Variants in SPATA9 observed in about 807,000 individuals in gnomAD.
SPATA9 encodes the protein spermatogenesis-associated protein 9.
SPATA9 carries 27 observed loss-of-function variants against 25.5 expected under a neutral mutation model. The ratio of observed to expected loss-of-function variants is 1.06; its 90% CI spans 0.78 to 1.46. The LOEUF (loss-of-function observed/expected upper bound fraction) is 1.46, where lower values mean the gene tolerates loss of function less well. Among genes scored for constraint, SPATA9 ranks in the 40% most tolerant of loss-of-function variants. The pLI is 0.00. For synonymous variants in SPATA9, 102 were observed against 105.7 expected (o/e 0.97, Z 0.21); for missense variants, 282 against 297.5 (o/e 0.95, Z 0.38).
chr5:95,721,713 C>T, the SPATA9 span, among the ~76,000 whole-genome samples: 2 of 110,656 alleles, frequency 1.8e-5, no homozygotes, highest in East Asian at 6.3e-4. Context: ...AAAAAAGGAA[C>T]ATGAAGATCA....
At chr5:95,681,890 A>T (rs1753491925) in intron 2 of SPATA9, among the ~76,000 whole-genome samples, 1 of 152,176 alleles carries the variant, frequency 6.6e-6, no homozygotes, top group Non-Finnish European at 1.5e-5. Flanking sequence ...TCCAACTATG[A>T]TCAAAATGAC....
the SPATA9 span, among the ~76,000 whole-genome samples, chr5:95,706,311 A>G: frequency 6.6e-6 from 1 of 151,518 alleles, no homozygotes; most frequent in Admixed American, 6.6e-5. Context: ...ATGGCGGTGG[A>G]TTTCCCCCTT....
At chr5:95,729,311 A>G in the SPATA9 span, among the ~76,000 whole-genome samples, 1 of 152,146 alleles carries the variant, frequency 6.6e-6, no homozygotes, top group Non-Finnish European at 1.5e-5. Flanking sequence ...GTCAATGACC[A>G]AGTCTTATGT....
At chr5:95,694,986 T>C (rs1753979199) in intron 1 of SPATA9, among the ~76,000 whole-genome samples, 1 of 152,230 alleles carries the variant, frequency 6.6e-6, no homozygotes, top group Non-Finnish European at 1.5e-5. Context: ...AAGTATTTAA[T>C]ATATGGAATA....
rs781263743 is a variant in SPATA9 at position 95,663,961 on chromosome 5, T to C, written c.466A>G (p.Ile156Val). 6.5e-7 allele frequency: 1 copy of C among 1,540,918 alleles called. No homozygotes were observed. Among genetic ancestry groups the C allele is most frequent in the South Asian group, 1.3e-5 (1 of 79,840 alleles). The change falls in exon 4 of 5, where the codon ATT becomes GTT. Residue 156 changes from isoleucine (I) to valine (V), a missense_variant. Ile to Val is a conservative substitution (Grantham distance 29). Transcript: ENST00000274432. ...SIIYASYAAL[I>V]YLAVCVNAVL... ...TAATTTTCTTAACTTACCAAATAAATTAGTGCTGCATATGAAGCATATATT... is the reference window on the plus strand; with the variant it reads ...TAATTTTCTTAACTTACCAAATAAACTAGTGCTGCATATGAAGCATATATT...
chr5:95,698,664 A>G (rs1038388026), exon 1 of SPATA9: 5 of 152,128 alleles, frequency 3.3e-5, no homozygotes, highest in African/African-American at 1.2e-4. Flanking sequence ...AGGAGAGGAA[A>G]AGCAGCTGAC....
chr5:95,656,060 A>G (rs1424224814), downstream of SPATA9: 4 of 1,613,360 alleles, frequency 2.5e-6, no homozygotes, highest in South Asian at 3.3e-5. Flanking sequence ...TTGATGGACG[A>G]CCGTGTATAG....
chr5:95,716,139 C>G, the SPATA9 span, among the ~76,000 whole-genome samples: 5 of 152,168 alleles, frequency 3.3e-5, no homozygotes, highest in Non-Finnish European at 7.4e-5. Flanking sequence ...ACACAGAGAC[C>G]CCACTGGGGC....
chr5:95,731,532 G>T, the SPATA9 span: 1 of 1,377,018 alleles, frequency 7.3e-7, no homozygotes, highest in Non-Finnish European at 9.4e-7. Context: ...CCCCGGCCCC[G>T]CTCTGCGTCG....
intron 3 of SPATA9, among the ~76,000 whole-genome samples, chr5:95,671,720 A>G (rs977221192): frequency 4.6e-5 from 7 of 152,082 alleles, no homozygotes; most frequent in African/African-American, 9.7e-5. Flanking sequence ...CTATTTGTTG[A>G]ATAAATAAAA....
intron 4 of SPATA9, chr5:95,659,161 TCCC>T (rs1359602115): frequency 2.8e-6 from 1 of 360,472 alleles, no homozygotes; most frequent in East Asian, 4.4e-5. Context: ...TTACATCTTT[TCCC>T]CCCAATTCAT....
chr5:95,696,249 G>A (rs1176989349), intron 1 of SPATA9, among the ~76,000 whole-genome samples: 2 of 151,982 alleles, frequency 1.3e-5, no homozygotes, highest in African/African-American at 4.8e-5. Context: ...GCTAAATCTT[G>A]TGGTAATTTT....
At chr5:95,668,611 G>A (rs1309697378) in intron 3 of SPATA9, among the ~76,000 whole-genome samples, 1 of 152,102 alleles carries the variant, frequency 6.6e-6, no homozygotes, top group Non-Finnish European at 1.5e-5. Context: ...CACTTTATGT[G>A]CATATTTGAG....
At chr5:95,681,247 A>G (rs1301471628) in intron 2 of SPATA9, among the ~76,000 whole-genome samples, 1 of 151,970 alleles carries the variant, frequency 6.6e-6, no homozygotes, top group African/African-American at 2.4e-5. Context: ...GTTTTCTACT[A>G]TTTCCTATCT....
chr5:95,665,355 TC>T (rs747471012), intron 3 of SPATA9, among the ~76,000 whole-genome samples: 2 of 152,232 alleles, frequency 1.3e-5, no homozygotes, highest in East Asian at 3.9e-4. Flanking sequence ...CCTCTCACCA[TC>T]CTTCCCTTTT....
rs118071505 is a variant in SPATA9, at chr5:95,662,996, C to T, written c.474+957G>A. 7.3e-4 allele frequency among the ~76,000 whole-genome samples: 111 copies of T among 152,284 alleles called. 1 individual carries two copies. The East Asian group carries it at 7.9e-3, about 11-fold the overall frequency. On this transcript the variant is annotated intron_variant, in intron 4 of 4. Coordinates refer to ENST00000274432, the MANE Select transcript of SPATA9 (RefSeq NM_031952.4). ...ATTGTTAAAAAACCATTTTAGAAAA[C>T]TCTTTGGCAATATCTACTAGGTATC...
rs139287310 is a variant in SPATA9 at position 95,697,881 on chromosome 5, C to T, written n.124+707G>A. ...GTGAAAATGACATTCCATGAAATGA[C>T]ATTCCATGAAAATGACATTCCATGA... is the stretch of plus-strand genomic sequence containing the variant. On this transcript the variant is annotated intron_variant and non_coding_transcript_variant, in intron 1 of 2. Transcript: ENST00000379990. 3.1e-4 allele frequency among the ~76,000 whole-genome samples: 46 copies of T among 147,432 alleles called. No homozygotes were observed. The East Asian group carries it at 8.7e-3, about 28-fold the overall frequency.
intron 8 of SPATA9, chr5:95,653,253 C>A: frequency 6.4e-7 from 1 of 1,550,668 alleles, no homozygotes. Flanking sequence ...CCCACCTTCT[C>A]TTGCTGTAAT....
At chr5:95,731,198 T>G in the SPATA9 span, 3 of 1,002,390 alleles carry the variant, frequency 3.0e-6, no homozygotes. Context: ...TCCCGGGGCC[T>G]CCGCGGGGAG....
Sources: gnomAD v4.1 joint callset for allele counts (sites outside exome capture counted in the v4.1 genomes callset) on GRCh38, gnomAD v4.1.1 for gene constraint, MANE v1.5 for transcripts, NCBI Gene and HGNC (gene_info 2026-07-23, HGNC 2026-07-21) for gene names.